SFMBT1: variants seen among roughly 807,000 people sequenced by gnomAD.
SFMBT1 encodes the protein Scm like with four mbt domains 1.
SFMBT1 carries 32 observed loss-of-function variants against 108.7 expected under a neutral mutation model. That is an observed-to-expected ratio of 0.29 (90% CI 0.22 to 0.40). SFMBT1 has a LOEUF of 0.40. Among genes scored for constraint, SFMBT1 ranks in the 10% least tolerant of loss-of-function variants. The probability of loss-of-function intolerance (pLI) is 1.00; values close to 1 mark genes in which losing one functional copy is unlikely to be tolerated. For synonymous variants in SFMBT1, 348 were observed against 369.5 expected (o/e 0.94, Z 0.67); for missense variants, 816 against 1,059.6 (o/e 0.77, Z 3.19).
At chr3:52,913,713 C>T (rs1019624413) in intron 14 of SFMBT1, 96 bp from the exon 15 acceptor site, 10 of 1,271,666 alleles carry the variant, frequency 7.9e-6, no homozygotes, top group Middle Eastern at 2.0e-4. Context: ...AGCACATGTA[C>T]CATTATATTA....
At chr3:52,976,404 G>A (rs1311817697) in intron 1 of SFMBT1, among the ~76,000 whole-genome samples, 2 of 152,072 alleles carry the variant, frequency 1.3e-5, no homozygotes, top group African/African-American at 4.8e-5. Flanking sequence ...CAAACAAATA[G>A]TGTTAAAGAA....
chr3:53,033,002 ACT>A (rs1699738231), intron 1 of SFMBT1, among the ~76,000 whole-genome samples: 1 of 151,978 alleles, frequency 6.6e-6, no homozygotes, highest in Non-Finnish European at 1.5e-5. Context: ...CCTACCAAAG[ACT>A]CTGCCTTTTG....
intron 4 of SFMBT1, among the ~76,000 whole-genome samples, chr3:52,941,898 C>CA (rs1703195873): frequency 6.6e-6 from 1 of 151,668 alleles, no homozygotes; most frequent in South Asian, 2.1e-4. Flanking sequence ...GATTCTGTCT[C>CA]AAAAAAATAA....
intron 1 of SFMBT1, among the ~76,000 whole-genome samples, chr3:52,974,759 G>C (rs1160841088): frequency 6.6e-6 from 1 of 151,286 alleles, no homozygotes; most frequent in Non-Finnish European, 1.5e-5. Flanking sequence ...GGGGGGCTGA[G>C]GTGGCGAATC....
At chr3:52,975,169 A>C (rs1487769981) in intron 1 of SFMBT1, among the ~76,000 whole-genome samples, 1 of 152,232 alleles carries the variant, frequency 6.6e-6, no homozygotes, top group Non-Finnish European at 1.5e-5. Flanking sequence ...GAAAAAAAGA[A>C]AACAAAGAAA....
chr3:52,970,285 C>G (rs564646686), intron 1 of SFMBT1, among the ~76,000 whole-genome samples: 1 of 152,232 alleles, frequency 6.6e-6, no homozygotes, highest in East Asian at 1.9e-4. Flanking sequence ...CCTTCCTATT[C>G]CATCCCTAAG....
At chr3:52,936,435 G>A (rs544777685) in intron 4 of SFMBT1, among the ~76,000 whole-genome samples, 9 of 152,250 alleles carry the variant, frequency 5.9e-5, no homozygotes, top group South Asian at 2.1e-4. Context: ...ATTTCACTAT[G>A]AAGTCATACA....
At chr3:52,960,503 G>T (rs1477384533) in intron 2 of SFMBT1, among the ~76,000 whole-genome samples, 1 of 152,172 alleles carries the variant, frequency 6.6e-6, no homozygotes, top group African/African-American at 2.4e-5. Flanking sequence ...ATAAGTGTTG[G>T]TGAGGATATG....
chr3:52,970,235 T>G (rs1303528250), intron 1 of SFMBT1, among the ~76,000 whole-genome samples: 1 of 152,228 alleles, frequency 6.6e-6, no homozygotes, highest in Non-Finnish European at 1.5e-5. Context: ...TGAGAATATT[T>G]CTATTATCCT....
intron 12 of SFMBT1, 112 bp downstream of exon 12, chr3:52,920,425 G>C: frequency 1.3e-6 from 1 of 761,172 alleles, no homozygotes. Flanking sequence ...CAGGAACAGA[G>C]AACCAGAATG....
At chr3:52,970,972 A>AT (rs1027570495) in intron 1 of SFMBT1, among the ~76,000 whole-genome samples, 12 of 152,040 alleles carry the variant, frequency 7.9e-5, no homozygotes, top group African/African-American at 2.2e-4. Flanking sequence ...TGTCTCAAAA[A>AT]ATATATATGA....
chr3:52,941,485 T>C (rs914214811), intron 4 of SFMBT1, among the ~76,000 whole-genome samples: 2 of 146,706 alleles, frequency 1.4e-5, no homozygotes, highest in African/African-American at 5.1e-5. Flanking sequence ...TCCCAGCTAC[T>C]TGGGAGGCTG....
At chr3:52,926,194 C>T (rs532002758) in intron 9 of SFMBT1, 81 bp from the exon 10 acceptor site, 6 of 1,228,426 alleles carry the variant, frequency 4.9e-6, no homozygotes, top group Non-Finnish European at 7.0e-6. Context: ...CAAGGGTCCA[C>T]TCACAACTTC....
Position 52,905,172 on chromosome 3 carries a change from C to G in SFMBT1, c.2565G>C (p.Arg855Ser). The change falls in exon 21 of 21, where the codon AGG becomes AGC. Residue 855 changes from arginine to serine, a missense_variant. Physicochemically the swap from Arg to Ser is moderately radical, Grantham distance 110 (BLOSUM62 -1). Transcript: ENST00000394752. ...PAIKLCHHIE[R>S]IKFAFYEQFA... is the part of the protein sequence containing the mutation. ...ACTGCTCATAAAAAGCAAACTTGAT[C>G]CTCTCTATGTGATGGCAAAGTTTGA... is the stretch of plus-strand genomic sequence containing the variant. The G allele has an allele frequency of 6.2e-7, 1 of 1,613,950 alleles. No homozygotes were observed. The highest frequency in any genetic ancestry group is 2.2e-5 in the East Asian group (1 of 44,866).
chr3:52,921,796 C>T lies in SFMBT1; in HGVS notation c.1167G>A (p.Lys389=). ...ISEHEFKENM[K]LEAVNPILPE... is the part of the protein sequence containing the mutation. ...GGAGAATGGGGTTCACCGCCTCGAG[C>T]TTCATGTTCTCCTTAAATTCATGTT... Residue 389 remains lysine, a synonymous_variant, in exon 11 of 21, where the codon AAG becomes AAA. Coordinates refer to ENST00000394752, the MANE Select transcript of SFMBT1 (RefSeq NM_016329.4). 4 of 1,614,000 alleles carry T rather than the reference C, an allele frequency of 2.5e-6. No individual in the cohort carries two copies. Among genetic ancestry groups the T allele is most frequent in the Middle Eastern group, 1.7e-4 (1 of 5,950 alleles).
intron 1 of SFMBT1, among the ~76,000 whole-genome samples, chr3:53,019,388 G>C (rs887787586): frequency 1.3e-5 from 1 of 76,876 alleles, no homozygotes; most frequent in South Asian, 5.6e-4. Context: ...TGTGTGTGTG[G>C]GGGGGGTATA....
intron 12 of SFMBT1, 133 bp from the exon 13 acceptor site, chr3:52,918,659 G>A (rs201946937): frequency 1.9e-4 from 74 of 383,078 alleles, no homozygotes; most frequent in Non-Finnish European, 2.4e-4. Flanking sequence ...ATGTGTGTGT[G>A]TATATATATA....
In SFMBT1 at chr3:52,993,565, G is replaced by C. The variant is rs995731586; in HGVS notation, c.-130-24307C>G. ...ATCCCCGACCCCATTCATTCACTTGGCCCTGACCATGCTAAGCATCTGCTA... is the reference window on the plus strand; with the variant it reads ...ATCCCCGACCCCATTCATTCACTTGCCCCTGACCATGCTAAGCATCTGCTA... On this transcript the variant is annotated intron_variant, in intron 1 of 20. Transcript: ENST00000394752. Among the ~76,000 whole-genome samples the C allele has an allele frequency of 6.0e-5, 9 of 149,668 alleles. 2 individuals carry two copies. The highest frequency in any genetic ancestry group is 1.2e-4 in the African/African-American group (5 of 41,146).
intron 4 of SFMBT1, among the ~76,000 whole-genome samples, chr3:52,937,878 G>A (rs1703064255): frequency 6.6e-6 from 1 of 152,042 alleles, no homozygotes. Flanking sequence ...ACTGCGCCTG[G>A]CCAACGATTT....
Sources: allele counts gnomAD v4.1 joint callset (sites outside exome capture counted in the v4.1 genomes callset), GRCh38; gene constraint gnomAD v4.1.1; transcripts MANE v1.5; gene names NCBI Gene and HGNC (gene_info 2026-07-23, HGNC 2026-07-21).